Variants in SNCAIP observed in about 807,000 individuals in gnomAD.
SNCAIP encodes the protein synuclein alpha interacting protein, also known as synphilin-1.
SNCAIP carries 43 observed loss-of-function variants against 86.7 expected under a neutral mutation model. That is an observed-to-expected ratio of 0.50 (90% confidence interval 0.39 to 0.64). The LOEUF (loss-of-function observed/expected upper bound fraction) is 0.64. SNCAIP is among the 30% of genes least tolerant of loss of function. The pLI, the probability that SNCAIP is intolerant of heterozygous loss-of-function variation, is 0.00. For missense variants in SNCAIP, 981 were observed against 1,103.1 expected, an observed-to-expected ratio of 0.89 and a Z score of 1.57; for synonymous variants, 417 against 427.2, an observed-to-expected ratio of 0.98 and a Z score of 0.29.
intron 1 of SNCAIP, among the ~76,000 whole-genome samples, chr5:122,338,167 G>A (rs956021697): frequency 3.3e-5 from 5 of 152,138 alleles, no homozygotes; most frequent in African/African-American, 9.7e-5. Flanking sequence ...TTCACCAACG[G>A]TTAAATAGAA....
At chr5:122,459,539 G>A (rs1030638101) in intron 10 of SNCAIP, among the ~76,000 whole-genome samples, 1 of 152,012 alleles carries the variant, frequency 6.6e-6, no homozygotes, top group East Asian at 1.9e-4. Flanking sequence ...GTAATTGAAG[G>A]GTTCAGGGAG....
chr5:122,344,170 C>T (rs1287100931), intron 1 of SNCAIP, among the ~76,000 whole-genome samples: 3 of 152,084 alleles, frequency 2.0e-5, no homozygotes, highest in African/African-American at 4.8e-5. Context: ...TTCATGAAAG[C>T]GGGACATTTT....
chr5:122,414,215 A>T (rs576856222), intron 3 of SNCAIP, among the ~76,000 whole-genome samples: 3 of 151,586 alleles, frequency 2.0e-5, no homozygotes, highest in Non-Finnish European at 4.4e-5. Context: ...AGCCAAGAAA[A>T]GTCATTAAAA....
chr5:122,417,423 C>G (rs532166765), intron 3 of SNCAIP, among the ~76,000 whole-genome samples: 5 of 152,030 alleles, frequency 3.3e-5, no homozygotes, highest in African/African-American at 1.2e-4. Context: ...TAGTCTAACC[C>G]GTTCATTTTA....
At chr5:122,429,906 G>T (rs1019325083) in intron 5 of SNCAIP, among the ~76,000 whole-genome samples, 1 of 152,056 alleles carries the variant, frequency 6.6e-6, no homozygotes, top group African/African-American at 2.4e-5. Context: ...CTTTTTAAGG[G>T]ACTCAGATGG....
intron 1 of SNCAIP, among the ~76,000 whole-genome samples, chr5:122,316,467 G>A (rs554796089): frequency 2.0e-5 from 3 of 152,206 alleles, no homozygotes; most frequent in African/African-American, 7.2e-5. Context: ...ATGGAAATAG[G>A]GTGACAAGAC....
intron 2 of SNCAIP, among the ~76,000 whole-genome samples, chr5:122,391,854 G>T (rs1402405282): frequency 6.6e-6 from 1 of 152,306 alleles, no homozygotes; most frequent in African/African-American, 2.4e-5. Context: ...TGAGCTGCTT[G>T]TGCCTTATCC....
rs1406166849 is a variant in SNCAIP, at chr5:122,451,226, A to C, written c.2379A>C (p.Thr793=). The change falls in exon 10 of 11, where the codon ACA becomes ACC. Residue 793 remains threonine, a synonymous_variant. Coordinates refer to ENST00000261368, the MANE Select transcript of SNCAIP (RefSeq NM_005460.4). ...GTACTGCTGCCCAGAAAGTTGCCACAAGTCCCAAGAGTGCCCTCAAGTCTC... is the reference window on the plus strand; with the variant it reads ...GTACTGCTGCCCAGAAAGTTGCCACCAGTCCCAAGAGTGCCCTCAAGTCTC... ...PDSTAAQKVA[T]SPKSALKSPS... is the part of the protein sequence containing the mutation. 5 of 1,614,130 alleles carry C rather than the reference A, an allele frequency of 3.1e-6. No individual in the cohort carries two copies. The highest frequency in any genetic ancestry group is 3.4e-6 in the Non-Finnish European group (4 of 1,180,018).
At chr5:122,401,465 G>C (rs1771798197) in intron 2 of SNCAIP, among the ~76,000 whole-genome samples, 1 of 152,124 alleles carries the variant, frequency 6.6e-6, no homozygotes, top group East Asian at 1.9e-4. Context: ...TATAAAAAAT[G>C]ATGGACTTGT....
chr5:122,378,568 T>A (rs982337934), intron 1 of SNCAIP, among the ~76,000 whole-genome samples: 3 of 142,364 alleles, frequency 2.1e-5, no homozygotes, highest in South Asian at 5.2e-4. Flanking sequence ...GTCAATTTTG[T>A]CTTTTGTTGC....
At chr5:122,386,252 G>A (rs529950138) in intron 1 of SNCAIP, among the ~76,000 whole-genome samples, 28 of 152,218 alleles carry the variant, frequency 1.8e-4, no homozygotes, top group African/African-American at 5.8e-4. Context: ...ATCATAATAC[G>A]GGGGTGGCAA....
intron 1 of SNCAIP, among the ~76,000 whole-genome samples, chr5:122,346,069 A>G (rs1758569046): frequency 6.6e-6 from 1 of 152,170 alleles, no homozygotes; most frequent in African/African-American, 2.4e-5. Context: ...ATCTGGTAGA[A>G]CATTTTGTTC....
At chr5:122,376,504 C>G (rs1765361374) in intron 1 of SNCAIP, among the ~76,000 whole-genome samples, 2 of 152,250 alleles carry the variant, frequency 1.3e-5, no homozygotes, top group Admixed American at 6.5e-5. Flanking sequence ...TAAGCCCATG[C>G]TCAACTTCCC....
chr5:122,401,047 A>G (rs921883439), intron 2 of SNCAIP: 7 of 1,550,170 alleles, frequency 4.5e-6, no homozygotes, highest in Non-Finnish European at 5.2e-6. Context: ...GACAGGGAAG[A>G]TGCAATGGGC....
chr5:122,346,500 T>C (rs191022790), intron 1 of SNCAIP, among the ~76,000 whole-genome samples: 30 of 152,262 alleles, frequency 2.0e-4, no homozygotes, highest in African/African-American at 7.2e-4. Context: ...GGAGTAGAGC[T>C]TGTCTCAAAT....
At chr5:122,437,754 G>A (rs1402895214) in intron 6 of SNCAIP, among the ~76,000 whole-genome samples, 1 of 152,130 alleles carries the variant, frequency 6.6e-6, no homozygotes, top group African/African-American at 2.4e-5. Flanking sequence ...AACAATATAG[G>A]TTGAACCTGA....
intron 4 of SNCAIP, among the ~76,000 whole-genome samples, chr5:122,424,604 T>C (rs906310958): frequency 2.6e-5 from 4 of 152,224 alleles, no homozygotes; most frequent in Admixed American, 6.5e-5. Flanking sequence ...TTGAATAATT[T>C]TATGAAATAA....
In SNCAIP at chr5:122,353,418, A is replaced by G. The variant is rs12518287; in HGVS notation, c.-46-37671A>G. On this transcript the variant is annotated intron_variant, in intron 1 of 10. Transcript: ENST00000261368. ...TATTTTTCAGAAAAAGCTTCATAAT[A>G]AAAGTTATGACATAATTAAGCAAAA... 7.4e-3 allele frequency among the ~76,000 whole-genome samples: 1,112 copies of G among 151,174 alleles called. 28 individuals are homozygous for G. Among genetic ancestry groups the G allele is most frequent in the Admixed American group, 0.033 (503 of 15,206 alleles).
intron 1 of SNCAIP, among the ~76,000 whole-genome samples, chr5:122,332,778 C>CTA (rs749064038): frequency 6.6e-6 from 1 of 152,138 alleles, no homozygotes; most frequent in Non-Finnish European, 1.5e-5. Flanking sequence ...GGAGGGAGAG[C>CTA]AGGCAGCAGT....
Sources: gnomAD v4.1 joint callset for allele counts (sites outside exome capture counted in the v4.1 genomes callset) on GRCh38, gnomAD v4.1.1 for gene constraint, MANE v1.5 for transcripts, NCBI Gene and HGNC (gene_info 2026-07-23, HGNC 2026-07-21) for gene names.